TXNDC8: variants seen among roughly 807,000 people sequenced by gnomAD.
TXNDC8 encodes thioredoxin domain-containing protein 8.
A neutral mutation model predicts 12.9 loss-of-function variants in TXNDC8; 15 were observed. The observed-to-expected ratio is 1.16, with a 90% CI of 0.78 to 1.79. The LOEUF (loss-of-function observed/expected upper bound fraction) is 1.79. Among genes scored for constraint, TXNDC8 ranks in the 40% most tolerant of loss-of-function variants. The pLI is 0.00. For synonymous variants in TXNDC8, 40 were observed against 35.4 expected (o/e 1.13, Z -0.46); for missense variants, 128 against 113.2 (o/e 1.13, Z -0.59).
At chr9:110,308,294 T>A (rs1838535254) in intron 3 of TXNDC8, among the ~76,000 whole-genome samples, 1 of 152,218 alleles carries the variant, frequency 6.6e-6, no homozygotes, top group Admixed American at 6.5e-5. Context: ...AATTCCTTTA[T>A]AGAGTCTGAG....
chr9:110,334,846 A>C (rs1191116076), intron 1 of TXNDC8, among the ~76,000 whole-genome samples: 4 of 152,192 alleles, frequency 2.6e-5, no homozygotes, highest in Non-Finnish European at 4.4e-5. Flanking sequence ...TGAACTTTAA[A>C]AGGAGAAGAA....
chr9:110,323,211 A>G, intron 3 of TXNDC8: 1 of 985,472 alleles, frequency 1.0e-6, no homozygotes, highest in South Asian at 4.7e-5. Flanking sequence ...AGATGGAACT[A>G]GAAGTAGGAA....
At chr9:110,325,086 G>C (rs1839253277) in intron 3 of TXNDC8, among the ~76,000 whole-genome samples, 1 of 152,048 alleles carries the variant, frequency 6.6e-6, no homozygotes, top group African/African-American at 2.4e-5. Flanking sequence ...TGCCACTGCT[G>C]TCCAGCCTGG....
At position 110,326,245 on chromosome 9, in the gene TXNDC8, G is replaced by A. The variant is rs1490869096; in HGVS notation, c.130-5C>T. On this transcript the variant is annotated splice_region_variant and splice_polypyrimidine_tract_variant and intron_variant, in intron 2 of 4. Coordinates refer to ENST00000423740, the MANE Select transcript of TXNDC8 (RefSeq NM_001286946.2). The stretch of plus-strand genomic sequence containing the variant: ...GTGACAAGTTTCAGCCAGCTCCTGG[G>A]AAAGCAAAGAAATGGCATGAAGTTA... 1 of 1,613,950 alleles carries A rather than the reference G, an allele frequency of 6.2e-7. No individual in the cohort carries two copies. The highest frequency in any genetic ancestry group is 8.5e-7 in the Non-Finnish European group (1 of 1,179,912).
chr9:110,316,408 G>T (rs2118773614), intron 3 of TXNDC8, among the ~76,000 whole-genome samples: 1 of 152,146 alleles, frequency 6.6e-6, no homozygotes, highest in African/African-American at 2.4e-5. Flanking sequence ...CCCTTTCTCT[G>T]ACTCCTCCCC....
Position 110,303,564 on chromosome 9 carries a change from G to T in TXNDC8, c.*118C>A. 6.5e-7 allele frequency: 1 copy of T among 1,536,184 alleles called. No individual in the cohort carries two copies. Among genetic ancestry groups the T allele is most frequent in the Non-Finnish European group, 8.8e-7 (1 of 1,135,842 alleles). ...CTTGGCTTCCAATTTTTTAGCATCG[G>T]CTCCACAAAACTCAAAAATCTGTTC... On this transcript the variant is annotated 3_prime_UTR_variant, in exon 5 of 5. Transcript: ENST00000423740.
intron 3 of TXNDC8, among the ~76,000 whole-genome samples, chr9:110,314,662 G>C (rs1319091650): frequency 6.6e-6 from 1 of 152,042 alleles, no homozygotes; most frequent in Non-Finnish European, 1.5e-5. Flanking sequence ...TCTATCTCCT[G>C]ACCTCGTGAT....
At chr9:110,330,879 C>T (rs1018188615) in intron 2 of TXNDC8, among the ~76,000 whole-genome samples, 1 of 152,154 alleles carries the variant, frequency 6.6e-6, no homozygotes, top group Non-Finnish European at 1.5e-5. Context: ...CTTCTTAAAA[C>T]CCACATTTTC....
intron 1 of TXNDC8, among the ~76,000 whole-genome samples, chr9:110,335,989 T>C (rs2118887389): frequency 6.6e-6 from 1 of 152,258 alleles, no homozygotes; most frequent in East Asian, 1.9e-4. Flanking sequence ...GGGGTGGGTT[T>C]TTCCCATGCT....
At chr9:110,304,019 T>C (rs916945305) in intron 4 of TXNDC8, among the ~76,000 whole-genome samples, 5 of 152,232 alleles carry the variant, frequency 3.3e-5, no homozygotes, top group African/African-American at 1.2e-4. Flanking sequence ...TCATTGATTC[T>C]AAGAAGCACA....
intron 3 of TXNDC8, among the ~76,000 whole-genome samples, chr9:110,317,770 G>A (rs1251988903): frequency 6.6e-6 from 1 of 152,226 alleles, no homozygotes; most frequent in African/African-American, 2.4e-5. Context: ...AGGTGATATT[G>A]TGATTAGCCA....
intron 3 of TXNDC8, among the ~76,000 whole-genome samples, chr9:110,318,644 A>G (rs1838975671): frequency 6.6e-6 from 1 of 152,134 alleles, no homozygotes; most frequent in African/African-American, 2.4e-5. Context: ...AGGCTGAGGC[A>G]GGAGAATGGC....
At chr9:110,302,391 C>T (rs1043310337), downstream of TXNDC8, among the ~76,000 whole-genome samples, 1 of 152,172 alleles carries the variant, frequency 6.6e-6, no homozygotes, top group African/African-American at 2.4e-5. Flanking sequence ...CTGCCTTGAC[C>T]TCCCAAAGTT....
At chr9:110,317,691 G>A (rs529576427) in intron 3 of TXNDC8, among the ~76,000 whole-genome samples, 1 of 152,364 alleles carries the variant, frequency 6.6e-6, no homozygotes, top group African/African-American at 2.4e-5. Flanking sequence ...ATAGTAGGAA[G>A]TCTGTTGACA....
intron 3 of TXNDC8, among the ~76,000 whole-genome samples, chr9:110,310,213 G>A (rs1048738203): frequency 6.6e-6 from 1 of 151,984 alleles, no homozygotes; most frequent in East Asian, 1.9e-4. Context: ...GTGTGTGTGT[G>A]TGTGTGTGTG....
chr9:110,309,333 T>C (rs1237166857), intron 3 of TXNDC8, among the ~76,000 whole-genome samples: 8 of 152,164 alleles, frequency 5.3e-5, no homozygotes, highest in Non-Finnish European at 8.8e-5. Context: ...AAATTAATTT[T>C]ATTTATTTAT....
At chr9:110,309,284 C>G (rs570110542) in intron 3 of TXNDC8, among the ~76,000 whole-genome samples, 2 of 152,082 alleles carry the variant, frequency 1.3e-5, no homozygotes, top group Non-Finnish European at 2.9e-5. Flanking sequence ...GATTGACCCC[C>G]CCACAATATG....
chr9:110,331,792 G>A lies in TXNDC8; in HGVS notation c.129+2424C>T, dbSNP rs141185741. On this transcript the variant is annotated intron_variant, in intron 2 of 4. Transcript: ENST00000423740. ...ACTCCTATGAAAACCTAATGCTGCC[G>A]CTAATATAACAGGAGGCAGAGCTCA... Among the ~76,000 whole-genome samples the A allele has an allele frequency of 1.9e-3, 285 of 152,218 alleles. 1 individual carries two copies. Among genetic ancestry groups the A allele is most frequent in the Middle Eastern group, 6.8e-3 (2 of 294 alleles).
At chr9:110,329,243 T>G (rs7041938) in intron 2 of TXNDC8, 201,252 of 1,609,182 alleles carry the variant, frequency 0.13, 13,441 homozygotes, top group Admixed American at 0.19. Flanking sequence ...GGAGAATTGT[T>G]CACATCCACA....
Sources: allele counts gnomAD v4.1 joint callset (sites outside exome capture counted in the v4.1 genomes callset), GRCh38; gene constraint gnomAD v4.1.1; transcripts MANE v1.5; gene names NCBI Gene and HGNC (gene_info 2026-07-23, HGNC 2026-07-21).